The following NPAS3 variants were observed in gnomAD, a reference collection of about 807,000 sequenced individuals.
The protein encoded by NPAS3 is neuronal PAS domain-containing protein 3.
In NPAS3, 14 loss-of-function variants were observed where a neutral mutation model predicts 73.1. The observed-to-expected ratio is 0.19, with a 90% CI of 0.13 to 0.30. The LOEUF is 0.30. NPAS3 is among the 10% of genes least tolerant of loss of function. NPAS3 has a pLI of 1.00. For missense variants in NPAS3, 1,096 were observed against 1,250.0 expected (o/e 0.88, Z 1.86); for synonymous variants, 620 against 541.5 (o/e 1.14, Z -2.01).
intron 2 of NPAS3, among the ~76,000 whole-genome samples, chr14:33,095,864 G>T (rs1045470639): frequency 2.6e-5 from 4 of 151,354 alleles, no homozygotes; most frequent in Non-Finnish European, 4.4e-5. Context: ...AGTAGAGACG[G>T]GGTTTCACCG....
intron 2 of NPAS3, among the ~76,000 whole-genome samples, chr14:33,062,534 A>T (rs1382893136): frequency 6.6e-6 from 1 of 152,212 alleles, no homozygotes; most frequent in Non-Finnish European, 1.5e-5. Flanking sequence ...AGGCAGCATG[A>T]TTTAGAATGA....
At chr14:33,613,591 T>A (rs986710276) in intron 5 of NPAS3, among the ~76,000 whole-genome samples, 1 of 152,078 alleles carries the variant, frequency 6.6e-6, no homozygotes, top group Non-Finnish European at 1.5e-5. Flanking sequence ...TCCAGCCCCA[T>A]CCTTCGGTGT....
chr14:33,083,219 GGACTTT>G (rs1595403903), intron 2 of NPAS3, among the ~76,000 whole-genome samples: 1 of 25,128 alleles, frequency 4.0e-5, no homozygotes, highest in Non-Finnish European at 8.1e-5. Flanking sequence ...AAAAAAGAAG[GGACTTT>G]GCCTTTGCCT....
At chr14:33,008,447 C>T (rs375331195) in intron 1 of NPAS3, among the ~76,000 whole-genome samples, 67 of 151,994 alleles carry the variant, frequency 4.4e-4, no homozygotes, top group African/African-American at 1.5e-3. Flanking sequence ...GAGTGCATAC[C>T]AACTTGATAA....
intron 2 of NPAS3, among the ~76,000 whole-genome samples, chr14:33,124,605 A>G (rs905159655): frequency 6.6e-6 from 1 of 152,280 alleles, no homozygotes; most frequent in Admixed American, 6.5e-5. Flanking sequence ...AATGGATAAG[A>G]AATATAGAGA....
chr14:33,373,222 A>T (rs1019121856), intron 4 of NPAS3, among the ~76,000 whole-genome samples: 1 of 152,184 alleles, frequency 6.6e-6, no homozygotes, highest in South Asian at 2.1e-4. Flanking sequence ...TTTCTAAATA[A>T]TGCTTACATA....
intron 1 of NPAS3, among the ~76,000 whole-genome samples, chr14:33,044,269 C>A (rs2040432788): frequency 1.3e-5 from 2 of 152,098 alleles, no homozygotes; most frequent in Admixed American, 1.3e-4. Context: ...TATTGAATGT[C>A]ATTTTTGTCA....
intron 4 of NPAS3, among the ~76,000 whole-genome samples, chr14:33,461,507 G>A (rs945901963): frequency 3.9e-5 from 6 of 152,178 alleles, no homozygotes; most frequent in African/African-American, 9.7e-5. Flanking sequence ...ATATGTTCAC[G>A]AAAGGTTTTT....
chr14:33,467,533 G>A (rs1263008115), intron 4 of NPAS3, among the ~76,000 whole-genome samples: 2 of 152,168 alleles, frequency 1.3e-5, no homozygotes, highest in African/African-American at 4.8e-5. Flanking sequence ...AAGTCAGCTT[G>A]AAACAGCTGA....
intron 1 of NPAS3, among the ~76,000 whole-genome samples, chr14:33,036,252 T>G (rs963085649): frequency 6.6e-6 from 1 of 152,032 alleles, no homozygotes; most frequent in Non-Finnish European, 1.5e-5. Flanking sequence ...GGGCTGTGAG[T>G]TCTGGGCTAG....
chr14:33,322,644 A>T (rs972773136), intron 3 of NPAS3, among the ~76,000 whole-genome samples: 1 of 152,044 alleles, frequency 6.6e-6, no homozygotes, highest in Admixed American at 6.6e-5. Flanking sequence ...CTGTTTTTAT[A>T]GTCCTGAGCT....
At chr14:33,372,948 A>G (rs1454173047) in intron 4 of NPAS3, among the ~76,000 whole-genome samples, 2 of 152,132 alleles carry the variant, frequency 1.3e-5, no homozygotes, top group African/African-American at 4.8e-5. Flanking sequence ...AGGGCATTAT[A>G]TTGTTCCCAC....
intron 5 of NPAS3, among the ~76,000 whole-genome samples, chr14:33,564,641 T>C (rs1318079383): frequency 6.6e-6 from 1 of 152,218 alleles, no homozygotes; most frequent in Non-Finnish European, 1.5e-5. Context: ...TTCTAAGCCC[T>C]CATGAGAAAT....
At chr14:33,054,863 C>T (rs751387814) in intron 1 of NPAS3, among the ~76,000 whole-genome samples, 1 of 151,966 alleles carries the variant, frequency 6.6e-6, no homozygotes, top group Non-Finnish European at 1.5e-5. Context: ...CCGCCTGCCT[C>T]GGCCTCCCAA....
intron 5 of NPAS3, among the ~76,000 whole-genome samples, chr14:33,591,063 A>T (rs2057046410): frequency 6.6e-6 from 1 of 152,160 alleles, no homozygotes; most frequent in African/African-American, 2.4e-5. Flanking sequence ...TGTGGAGGGA[A>T]GTGCTTGTTA....
chr14:33,101,447 G>T (rs1341265347), intron 2 of NPAS3, among the ~76,000 whole-genome samples: 1 of 152,120 alleles, frequency 6.6e-6, no homozygotes, highest in Non-Finnish European at 1.5e-5. Context: ...GACTAGAAAA[G>T]GGTGGCACAG....
At chr14:33,114,474 C>T (rs1470841746) in intron 2 of NPAS3, among the ~76,000 whole-genome samples, 2 of 152,126 alleles carry the variant, frequency 1.3e-5, no homozygotes, top group Admixed American at 6.6e-5. Context: ...CTGTGAGACA[C>T]TAATATGTTG....
chr14:33,481,110 G>A (rs904774220), intron 4 of NPAS3, among the ~76,000 whole-genome samples: 16 of 152,244 alleles, frequency 1.1e-4, no homozygotes, highest in African/African-American at 3.4e-4. Flanking sequence ...GGTAAATGGC[G>A]AATAAGAATG....
At chr14:33,264,444 T>A (rs1432999675) in intron 3 of NPAS3, among the ~76,000 whole-genome samples, 1 of 152,090 alleles carries the variant, frequency 6.6e-6, no homozygotes, top group Non-Finnish European at 1.5e-5. Flanking sequence ...AAAAAGTAAC[T>A]GATTTGAGAA....
Sources: allele counts gnomAD v4.1 joint callset (sites outside exome capture counted in the v4.1 genomes callset), GRCh38; gene constraint gnomAD v4.1.1; transcripts MANE v1.5; gene names NCBI Gene and HGNC (gene_info 2026-07-23, HGNC 2026-07-21).